The following KLHL14 variants were observed in gnomAD, a reference collection of about 807,000 sequenced individuals.
KLHL14 encodes kelch-like protein 14.
In KLHL14, 22 loss-of-function variants were observed where a neutral mutation model predicts 64.3. The observed-to-expected ratio is 0.34, with a 90% confidence interval of 0.24 to 0.49. The LOEUF (loss-of-function observed/expected upper bound fraction) is 0.49. Ranked by LOEUF, KLHL14 falls within the 20% of genes least tolerant of loss-of-function variation. The pLI is 0.99. For missense variants in KLHL14, 661 were observed against 789.0 expected (o/e 0.84, Z 1.94); for synonymous variants, 322 against 333.4 (o/e 0.97, Z 0.37).
intron 3 of KLHL14, among the ~76,000 whole-genome samples, chr18:32,739,602 G>C (rs2050184542): frequency 6.6e-6 from 1 of 150,782 alleles, no homozygotes; most frequent in East Asian, 1.9e-4. Flanking sequence ...ATTGAAAAAG[G>C]GTTCAAGATC....
chr18:32,728,374 C>T (rs886818177), intron 3 of KLHL14, among the ~76,000 whole-genome samples: 3 of 152,158 alleles, frequency 2.0e-5, no homozygotes, highest in Non-Finnish European at 4.4e-5. Context: ...ATTTCTGCAT[C>T]TTAAGTAGAA....
intron 3 of KLHL14, among the ~76,000 whole-genome samples, chr18:32,732,349 C>A (rs1338720936): frequency 6.6e-6 from 1 of 152,228 alleles, no homozygotes; most frequent in African/African-American, 2.4e-5. Flanking sequence ...CTAATAACTT[C>A]CCCTCACAGG....
intron 3 of KLHL14, among the ~76,000 whole-genome samples, chr18:32,699,475 T>G (rs2049952870): frequency 6.6e-6 from 1 of 152,124 alleles, no homozygotes; most frequent in South Asian, 2.1e-4. Context: ...AAAGGAGGCA[T>G]TACTCATTCA....
intron 2 of KLHL14, among the ~76,000 whole-genome samples, chr18:32,761,589 C>A (rs529818325): frequency 6.6e-6 from 1 of 152,014 alleles, no homozygotes; most frequent in Non-Finnish European, 1.5e-5. Context: ...TCCAGTCACT[C>A]GGATAAGGTT....
At position 32,769,900 on chromosome 18, in the gene KLHL14, G is replaced by A. The variant is rs1324018610; in HGVS notation, c.692C>T (p.Pro231Leu). ...MRALLDSLPPPVESELALFQM... is the reference protein window; with the variant it reads ...MRALLDSLPPLVESELALFQM... ...GAAGAGCGCCAGCTCCGACTCCACG[G>A]GGGGCGGCAGCGAGTCCAGCAGGGC... is the stretch of plus-strand genomic sequence containing the variant. The change falls in exon 2 of 9, where the codon CCC becomes CTC. Residue 231 changes from proline to leucine, a missense_variant. Physicochemically the swap from Pro to Leu is moderately conservative, Grantham distance 98. Coordinates refer to ENST00000359358, the MANE Select transcript of KLHL14 (RefSeq NM_020805.3). 1.9e-6 allele frequency: 3 copies of A among 1,614,108 alleles called. No homozygotes were observed. The highest frequency in any genetic ancestry group is 2.5e-6 in the Non-Finnish European group (3 of 1,180,038).
chr18:32,699,710 G>T (rs1008414361), intron 3 of KLHL14, among the ~76,000 whole-genome samples: 6 of 152,054 alleles, frequency 3.9e-5, no homozygotes, highest in Non-Finnish European at 7.4e-5. Flanking sequence ...TCTGAAATTT[G>T]TGTATAATTT....
intron 3 of KLHL14, among the ~76,000 whole-genome samples, chr18:32,697,171 T>C (rs2049940964): frequency 6.6e-6 from 1 of 152,238 alleles, no homozygotes; most frequent in Non-Finnish European, 1.5e-5. Context: ...GCGTAGATGC[T>C]ACAGGCTTCA....
intron 3 of KLHL14, among the ~76,000 whole-genome samples, chr18:32,706,496 T>A (rs1222667337): frequency 6.6e-6 from 1 of 152,206 alleles, no homozygotes; most frequent in Non-Finnish European, 1.5e-5. Context: ...CTAAGTAATA[T>A]TTATTTATGA....
intron 2 of KLHL14, among the ~76,000 whole-genome samples, chr18:32,757,397 A>G (rs77694791): frequency 6.6e-6 from 1 of 152,296 alleles, no homozygotes; most frequent in Non-Finnish European, 1.5e-5. Context: ...ACTTGGTGAT[A>G]TGTGTGGTGA....
chr18:32,762,191 A>AT (rs1454885716), intron 2 of KLHL14, among the ~76,000 whole-genome samples: 1 of 151,522 alleles, frequency 6.6e-6, no homozygotes, highest in East Asian at 1.9e-4. Context: ...CATGATTGAC[A>AT]TTTTTTTCTT....
rs749358012 is a variant in KLHL14 at position 32,687,204 on chromosome 18, A to G, written c.1189T>C (p.Tyr397His). Residue 397 changes from tyrosine (Y) to histidine (H), a missense_variant, in exon 5 of 9, where the codon TAT becomes CAT. Tyr to His is a moderately conservative substitution (Grantham distance 83). Around this residue, in one of 2 missense-constraint regions of KLHL14, gnomAD observed 330 missense variants for 450.0 expected, o/e 0.73. Transcript: ENST00000359358. ...ATCCAGCTATTAAATCGAGGATCAT[A>G]TCGGCTGACAAAATTTGTACTGTGT... ...GKHSTNFVSR[Y>H]DPRFNSWIQL... is the part of the protein sequence containing the mutation. 4 of 1,613,952 alleles carry G rather than the reference A, an allele frequency of 2.5e-6. No individual in the cohort carries two copies. Among genetic ancestry groups the G allele is most frequent in the South Asian group, 1.1e-5 (1 of 91,072 alleles).
intron 3 of KLHL14, among the ~76,000 whole-genome samples, chr18:32,723,417 T>C (rs1237491065): frequency 6.6e-6 from 1 of 152,146 alleles, no homozygotes; most frequent in Non-Finnish European, 1.5e-5. Flanking sequence ...GGCTTCTGGA[T>C]GGATTTGCTT....
chr18:32,741,820 C>T, intron 3 of KLHL14, 108 bp downstream of exon 3: 2 of 1,258,154 alleles, frequency 1.6e-6, no homozygotes, highest in Middle Eastern at 2.6e-4. Flanking sequence ...CAAAGGGGAA[C>T]AAATCAATAA....
At chr18:32,728,417 T>C (rs1005252113) in intron 3 of KLHL14, among the ~76,000 whole-genome samples, 2 of 152,208 alleles carry the variant, frequency 1.3e-5, no homozygotes, top group African/African-American at 4.8e-5. Context: ...CGAGGGCTGA[T>C]GTCTGAATTA....
intron 3 of KLHL14, among the ~76,000 whole-genome samples, chr18:32,702,259 T>A (rs1412396093): frequency 6.6e-6 from 1 of 152,090 alleles, no homozygotes; most frequent in Non-Finnish European, 1.5e-5. Context: ...TTACATGCTG[T>A]TGAAAACAAA....
At chr18:32,760,377 C>A (rs2050308311) in intron 2 of KLHL14, among the ~76,000 whole-genome samples, 1 of 146,094 alleles carries the variant, frequency 6.8e-6, no homozygotes, top group African/African-American at 2.6e-5. Flanking sequence ...CACACACACA[C>A]AAACATGCAC....
At chr18:32,726,643 A>T (rs1021524440) in intron 3 of KLHL14, among the ~76,000 whole-genome samples, 3 of 151,724 alleles carry the variant, frequency 2.0e-5, no homozygotes, top group African/African-American at 7.3e-5. Flanking sequence ...ATAAATAAAT[A>T]AAAATAAAAT....
chr18:32,708,348 T>C (rs1346726499), intron 3 of KLHL14, among the ~76,000 whole-genome samples: 1 of 152,088 alleles, frequency 6.6e-6, no homozygotes, highest in Non-Finnish European at 1.5e-5. Context: ...ACATTTGCAA[T>C]GTATTTGAAA....
intron 3 of KLHL14, among the ~76,000 whole-genome samples, chr18:32,699,578 A>C (rs1316515966): frequency 6.6e-6 from 1 of 152,088 alleles, no homozygotes; most frequent in Non-Finnish European, 1.5e-5. Flanking sequence ...ATAGAATCCA[A>C]ACATGGGGAT....
Sources: allele counts gnomAD v4.1 joint callset (sites outside exome capture counted in the v4.1 genomes callset), GRCh38; gene constraint gnomAD v4.1.1; regional missense constraint gnomAD v4.1.1; transcripts MANE v1.5; gene names NCBI Gene and HGNC (gene_info 2026-07-23, HGNC 2026-07-21).